The following ZBTB43 variants were observed in gnomAD, a reference collection of about 807,000 sequenced individuals.
ZBTB43 encodes the protein zinc finger and BTB domain containing 43.
In ZBTB43, 6 loss-of-function variants were observed where a neutral mutation model predicts 31.1. That is an observed-to-expected ratio of 0.19 (90% confidence interval 0.11 to 0.38). The LOEUF is 0.38. ZBTB43 is among the 10% of genes least tolerant of loss of function. ZBTB43 has a pLI of 1.00. For synonymous variants in ZBTB43, 212 were observed against 221.7 expected (o/e 0.96, Z 0.39); for missense variants, 379 against 602.1 (o/e 0.63, Z 3.88).
chr9:126,810,077 C>T (rs990134545), intron 2 of ZBTB43, among the ~76,000 whole-genome samples: 3 of 152,136 alleles, frequency 2.0e-5, no homozygotes, highest in Non-Finnish European at 4.4e-5. Flanking sequence ...CCTTGTGATC[C>T]ACGGGCCTCA....
At chr9:126,830,808 C>T (rs2032748166) in intron 2 of ZBTB43, among the ~76,000 whole-genome samples, 1 of 150,856 alleles carries the variant, frequency 6.6e-6, no homozygotes. Context: ...TCTAGCACAG[C>T]TCATCTTGTG....
At position 126,833,169 on chromosome 9, in the gene ZBTB43, C is replaced by T. The variant is rs773388181; in HGVS notation, c.660C>T (p.Ser220=). Residue 220 remains serine (S), a synonymous_variant, in exon 3 of 3, where the codon AGC becomes AGT. Coordinates refer to ENST00000373464, the MANE Select transcript of ZBTB43 (RefSeq NM_014007.4). This position sits in a 1 kb window ranked among gnomAD's most constrained non-coding sequence, Gnocchi z 7.9. ...GCCAGGATGGGGAGGAGGGCGCCAG[C>T]GACAGCGCCGAGTTCCACTACACCC... ...MASQDGEEGA[S]DSAEFHYTRP... 7.4e-6 allele frequency: 12 copies of T among 1,613,674 alleles called. No individual in the cohort carries two copies. Among genetic ancestry groups the T allele is most frequent in the African/African-American group, 1.3e-5 (1 of 74,938 alleles).
chr9:126,807,181 TC>T (rs1396148754), intron 1 of ZBTB43, among the ~76,000 whole-genome samples: 1 of 152,206 alleles, frequency 6.6e-6, no homozygotes, highest in Non-Finnish European at 1.5e-5. Context: ...TGCTGTTATT[TC>T]ATGTACCACC....
At chr9:126,817,243 C>G (rs931515776) in intron 2 of ZBTB43, among the ~76,000 whole-genome samples, 1 of 149,534 alleles carries the variant, frequency 6.7e-6, no homozygotes, top group African/African-American at 2.5e-5. Context: ...TTCTGAGTAG[C>G]TAGGATGTCA....
intron 2 of ZBTB43, among the ~76,000 whole-genome samples, chr9:126,828,420 C>T (rs1407963414): frequency 7.3e-5 from 11 of 151,582 alleles, no homozygotes; most frequent in South Asian, 4.2e-4. Context: ...CCTGACCTCG[C>T]AATCCACCCG....
intron 2 of ZBTB43, among the ~76,000 whole-genome samples, chr9:126,821,033 A>T (rs1240467179): frequency 6.6e-6 from 1 of 150,614 alleles, no homozygotes; most frequent in Non-Finnish European, 1.5e-5. Flanking sequence ...ATTGATAGTG[A>T]TTCCTCTGAC....
chr9:126,820,552 C>T (rs967019657), intron 2 of ZBTB43, among the ~76,000 whole-genome samples: 3 of 152,176 alleles, frequency 2.0e-5, no homozygotes, highest in Non-Finnish European at 2.9e-5. Flanking sequence ...ACTTGGTCAC[C>T]CAAGAGCTCT....
chr9:126,828,405 G>C (rs186712285), intron 2 of ZBTB43, among the ~76,000 whole-genome samples: 2 of 151,508 alleles, frequency 1.3e-5, no homozygotes, highest in South Asian at 4.2e-4. Context: ...GGATGGTCTC[G>C]ATCTCCTGAC....
chr9:126,827,268 A>G (rs1051088406), intron 2 of ZBTB43, among the ~76,000 whole-genome samples: 14 of 152,196 alleles, frequency 9.2e-5, no homozygotes, highest in African/African-American at 3.4e-4. Context: ...ATCTTGTGGT[A>G]GGTGCCACCA....
intron 2 of ZBTB43, among the ~76,000 whole-genome samples, chr9:126,826,620 C>T (rs1046137600): frequency 9.2e-5 from 14 of 151,972 alleles, no homozygotes; most frequent in Non-Finnish European, 1.3e-4. Context: ...CCCGCCACCA[C>T]GCCTGGCTAA....
intron 2 of ZBTB43, chr9:126,831,393 A>G (rs776185171): frequency 6.6e-6 from 1 of 152,232 alleles, no homozygotes; most frequent in Non-Finnish European, 1.5e-5. Context: ...AGACCCAGCT[A>G]CACAAGAGGC....
chr9:126,806,028 G>T (rs2032120754), intron 1 of ZBTB43, among the ~76,000 whole-genome samples: 1 of 152,216 alleles, frequency 6.6e-6, no homozygotes, highest in African/African-American at 2.4e-5. Flanking sequence ...CTGTCAGGGA[G>T]ACAGGAGGCC....
intron 2 of ZBTB43, among the ~76,000 whole-genome samples, chr9:126,822,753 G>A (rs532606208): frequency 1.7e-4 from 26 of 152,128 alleles, no homozygotes; most frequent in South Asian, 6.2e-4. Flanking sequence ...AAACAAAAAA[G>A]AAAGAAAGAA....
In ZBTB43 at chr9:126,834,313, A is replaced by T. The variant is rs1229624597; in HGVS notation, c.*400A>T. On this transcript the variant is annotated 3_prime_UTR_variant, in exon 3 of 3. Transcript: ENST00000373464. ...AAATTTTATTTTGCTCTTGCTATAG[A>T]TACTTAGGTAATGTGGATTTGTTTT... is the stretch of plus-strand genomic sequence containing the variant. 1 of 174,980 alleles carries T rather than the reference A, an allele frequency of 5.7e-6. No individual in the cohort carries two copies. Among genetic ancestry groups the T allele is most frequent in the African/African-American group, 2.4e-5 (1 of 41,704 alleles). The allele number at this position is 174,980 out of a possible 1,614,324, so 10.8% of individuals were successfully genotyped here. A position where few individuals can be genotyped will look rare whatever the true frequency, so the allele number is the denominator to read the frequency against.
At chr9:126,808,526 G>A (rs1039129513) in intron 1 of ZBTB43, among the ~76,000 whole-genome samples, 6 of 152,188 alleles carry the variant, frequency 3.9e-5, no homozygotes, top group Non-Finnish European at 8.8e-5. Context: ...TAATGAATAT[G>A]CCACAGTAAT....
chr9:126,811,117 G>A (rs1471278732), intron 2 of ZBTB43, among the ~76,000 whole-genome samples: 1 of 151,306 alleles, frequency 6.6e-6, no homozygotes, highest in African/African-American at 2.4e-5. Flanking sequence ...AGCTACTCAG[G>A]AGGCTGAGGC....
chr9:126,805,973 C>T (rs1442681828), intron 1 of ZBTB43, among the ~76,000 whole-genome samples: 1 of 152,246 alleles, frequency 6.6e-6, no homozygotes, highest in Non-Finnish European at 1.5e-5. Context: ...TTGGCCTCAA[C>T]TCTGACAGGT....
intron 1 of ZBTB43, among the ~76,000 whole-genome samples, chr9:126,807,479 G>A (rs910178734): frequency 2.0e-5 from 3 of 152,120 alleles, no homozygotes; most frequent in Non-Finnish European, 4.4e-5. Flanking sequence ...GACCTCAGCA[G>A]TTCTCTATCA....
At chr9:126,806,682 A>G (rs1430470521) in intron 1 of ZBTB43, among the ~76,000 whole-genome samples, 1 of 152,094 alleles carries the variant, frequency 6.6e-6, no homozygotes, top group Non-Finnish European at 1.5e-5. Flanking sequence ...TTCATTGGAG[A>G]CTCCTGAAAC....
Sources: gnomAD v4.1 joint callset for allele counts (sites outside exome capture counted in the v4.1 genomes callset) on GRCh38, gnomAD v4.1.1 for gene constraint, Gnocchi (gnomAD v3.1) non-coding constraint, MANE v1.5 for transcripts, NCBI Gene and HGNC (gene_info 2026-07-23, HGNC 2026-07-21) for gene names.